The following DNMBP variants were observed in gnomAD, a reference collection of about 807,000 sequenced individuals.
DNMBP encodes dynamin binding protein, also known as dynamin-binding protein.
Under a neutral mutation model 150.0 loss-of-function variants are expected in DNMBP, and 87 were observed. The observed-to-expected ratio is 0.58, with a 90% CI of 0.49 to 0.69. The LOEUF (loss-of-function observed/expected upper bound fraction) is 0.69, where lower values mean the gene tolerates loss of function less well. Among genes scored for constraint, DNMBP ranks in the 30% least tolerant of loss-of-function variants. DNMBP has a pLI of 0.00. For synonymous variants in DNMBP, 711 were observed against 750.4 expected, an observed-to-expected ratio of 0.95 and a Z score of 0.86; for missense variants, 1,774 against 1,949.0, an observed-to-expected ratio of 0.91 and a Z score of 1.69.
intron 1 of DNMBP, among the ~76,000 whole-genome samples, chr10:99,996,484 C>T (rs1189716422): frequency 3.3e-5 from 5 of 152,202 alleles, no homozygotes; most frequent in Non-Finnish European, 7.3e-5. Context: ...CGCACCACTG[C>T]AATCCAGCCT....
At chr10:99,984,039 C>T (rs1414221306) in intron 1 of DNMBP, among the ~76,000 whole-genome samples, 2 of 152,210 alleles carry the variant, frequency 1.3e-5, no homozygotes, top group East Asian at 3.8e-4. Context: ...GATTGACTCT[C>T]ACAGTACAGT....
At chr10:99,914,091 C>T (rs1275837811) in intron 4 of DNMBP, 10 of 1,394,318 alleles carry the variant, frequency 7.2e-6, no homozygotes, top group Admixed American at 3.3e-5. Context: ...CCCAGGCTTC[C>T]CACATTTACA....
chr10:99,924,047 G>A (rs578023567), intron 4 of DNMBP, among the ~76,000 whole-genome samples: 6 of 152,090 alleles, frequency 3.9e-5, no homozygotes, highest in Non-Finnish European at 8.8e-5. Context: ...CCAGCTACTC[G>A]GGAGGCTGAG....
At chr10:99,920,468 G>A (rs1389449597) in intron 4 of DNMBP, among the ~76,000 whole-genome samples, 1 of 152,070 alleles carries the variant, frequency 6.6e-6, no homozygotes, top group Non-Finnish European at 1.5e-5. Context: ...CCCAGACTTC[G>A]ACTTTTGGGG....
At chr10:99,959,308 A>G (rs1313394351) in intron 3 of DNMBP, among the ~76,000 whole-genome samples, 2 of 152,334 alleles carry the variant, frequency 1.3e-5, no homozygotes, top group East Asian at 3.9e-4. Flanking sequence ...GCCCACATAA[A>G]CAAAAGCTCT....
At chr10:99,892,297 C>T (rs1235797250) in intron 11 of DNMBP, among the ~76,000 whole-genome samples, 22 of 147,358 alleles carry the variant, frequency 1.5e-4, no homozygotes, top group African/African-American at 5.1e-4. Context: ...ATGACAATGG[C>T]GGCTTTGTGG....
intron 1 of DNMBP, among the ~76,000 whole-genome samples, chr10:99,972,446 T>G (rs935142069): frequency 9.9e-5 from 15 of 151,960 alleles, no homozygotes; most frequent in Admixed American, 9.8e-4. Flanking sequence ...ATTTTTTGTA[T>G]TTTTACTAGA....
chr10:99,957,064 C>T lies in DNMBP; in HGVS notation c.410G>A (p.Ser137Asn). Residue 137 changes from serine to asparagine, a missense_variant, in exon 4 of 17, where the codon AGC becomes AAC. Ser to Asn is a conservative substitution (Grantham distance 46). Transcript: ENST00000324109. ...ATATTCCGGAATCTGAAACAGGGCGCTCTGGGAGTGCCACTGCCGGCTCTG... is the reference window on the plus strand; with the variant it reads ...ATATTCCGGAATCTGAAACAGGGCGTTCTGGGAGTGCCACTGCCGGCTCTG... ...SSQSRQWHSQ[S>N]ALFQIPEYSM... 1 of 1,614,186 alleles carries T rather than the reference C, an allele frequency of 6.2e-7. No homozygotes were observed. The highest frequency in any genetic ancestry group is 8.5e-7 in the Non-Finnish European group (1 of 1,180,042).
At chr10:99,978,640 G>A (rs866232292) in intron 1 of DNMBP, among the ~76,000 whole-genome samples, 4 of 152,048 alleles carry the variant, frequency 2.6e-5, no homozygotes, top group Non-Finnish European at 5.9e-5. Context: ...GTGCAGTGGC[G>A]TGATCTTGGC....
At chr10:99,944,935 G>C (rs887668246) in intron 4 of DNMBP, among the ~76,000 whole-genome samples, 6 of 152,058 alleles carry the variant, frequency 3.9e-5, no homozygotes, top group Non-Finnish European at 7.4e-5. Context: ...TCTAAAAGGA[G>C]ACCTTTTCTG....
chr10:99,900,100 G>A, intron 6 of DNMBP, 34 bp from the exon 7 acceptor site: 1 of 1,612,228 alleles, frequency 6.2e-7, no homozygotes, highest in Non-Finnish European at 8.5e-7. Context: ...AGTGTTTTTA[G>A]TAAACTTTCT....
chr10:99,883,638 C>CAAAAAAAAAA (rs71009782), intron 15 of DNMBP, among the ~76,000 whole-genome samples: 32 of 65,614 alleles, frequency 4.9e-4, no homozygotes, highest in African/African-American at 1.2e-3. Flanking sequence ...AAGACTGCCA[C>CAAAAAAAAAA]AAAAAAAAAA....
At chr10:99,958,086 C>T (rs2040521122) in intron 3 of DNMBP, 1 of 152,268 alleles carries the variant, frequency 6.6e-6, no homozygotes, top group East Asian at 1.9e-4. Context: ...CGAGATCGCA[C>T]CACTGCACTC....
intron 10 of DNMBP, among the ~76,000 whole-genome samples, chr10:99,895,425 G>C (rs1169294179): frequency 6.6e-6 from 1 of 152,222 alleles, no homozygotes; most frequent in Non-Finnish European, 1.5e-5. Flanking sequence ...ACCACGCCCA[G>C]CCAAAAGTAG....
intron 1 of DNMBP, among the ~76,000 whole-genome samples, chr10:99,973,727 C>G (rs974076292): frequency 6.6e-6 from 1 of 152,158 alleles, no homozygotes; most frequent in Non-Finnish European, 1.5e-5. Flanking sequence ...CACCTGTAAT[C>G]CCAGCACTTT....
chr10:99,955,485 T>A lies in DNMBP; in HGVS notation c.1989A>T (p.Leu663=), dbSNP rs1020562032. 6.2e-7 allele frequency: 1 copy of A among 1,603,616 alleles called. No homozygotes were observed. Among genetic ancestry groups the A allele is most frequent in the South Asian group, 1.1e-5 (1 of 89,744 alleles). The change falls in exon 4 of 17, where the codon CTA becomes CTT. Residue 663 remains leucine (L), a synonymous_variant. Transcript: ENST00000324109. ...TCTCACAGGTAGGACGGTGTCGAGA[T>A]AGGAGCTTGGGGGATACCGCATTCG... The part of the protein sequence containing the change: ...QRTNAVSPKL[L]SRHRPTCETL...
chr10:99,913,054 G>T (rs1337384282), intron 4 of DNMBP, among the ~76,000 whole-genome samples: 1 of 152,096 alleles, frequency 6.6e-6, no homozygotes, highest in Non-Finnish European at 1.5e-5. Flanking sequence ...TAGCGCTTTG[G>T]GAGTCTGAGG....
At chr10:99,983,179 T>C (rs745797224) in intron 1 of DNMBP, among the ~76,000 whole-genome samples, 1 of 152,128 alleles carries the variant, frequency 6.6e-6, no homozygotes, top group Non-Finnish European at 1.5e-5. Flanking sequence ...ATCCTTATGT[T>C]TTGGAACTGC....
chr10:99,908,001 C>T lies in DNMBP; in HGVS notation c.2548G>A (p.Ala850Thr), dbSNP rs1181547345. 1 of 1,613,394 alleles carries T rather than the reference C, an allele frequency of 6.2e-7. No homozygotes were observed. The highest frequency in any genetic ancestry group is 1.3e-5 in the African/African-American group (1 of 75,044). Reference protein sequence around the residue: ...QLLAALEISDAVGPVFLGHRD... With the variant: ...QLLAALEISDTVGPVFLGHRD... ...ACAACACAGGAGCTCATACCTACAG[C>T]ATCGCTGATTTCCAGAGCAGCCAAT... Residue 850 changes from alanine to threonine, a missense_variant, in exon 6 of 17, where the codon GCT becomes ACT. This residue lies in a region of DNMBP where 1,430 missense variants were observed against 1,492.5 expected (regional missense o/e 0.96). Coordinates refer to ENST00000324109, the MANE Select transcript of DNMBP (RefSeq NM_015221.4).
Sources: allele counts gnomAD v4.1 joint callset (sites outside exome capture counted in the v4.1 genomes callset), GRCh38; gene constraint gnomAD v4.1.1; regional missense constraint gnomAD v4.1.1; transcripts MANE v1.5; gene names NCBI Gene and HGNC (gene_info 2026-07-23, HGNC 2026-07-21).